Variants in MPDZ observed in about 807,000 individuals in gnomAD.
MPDZ encodes multiple PDZ domain crumbs cell polarity complex component.
A neutral mutation model predicts 239.1 loss-of-function variants in MPDZ; 234 were observed. The ratio of observed to expected loss-of-function variants is 0.98; its 90% CI spans 0.88 to 1.09. The LOEUF is 1.09. MPDZ is among the 50% of genes least tolerant of loss of function. MPDZ has a pLI of 0.00. For synonymous variants in MPDZ, 1,048 were observed against 881.3 expected (o/e 1.19, Z -3.35); for missense variants, 3,175 against 2,510.0 (o/e 1.26, Z -5.66).
At chr9:13,175,933 C>A (rs574751678) in intron 20 of MPDZ, 58 bp from the exon 21 acceptor site, 1 of 1,531,810 alleles carries the variant, frequency 6.5e-7, no homozygotes, top group South Asian at 1.3e-5. Context: ...GACTTTGGAG[C>A]GTGATTTCAA....
chr9:13,157,652 C>T (rs1323205419), intron 24 of MPDZ, among the ~76,000 whole-genome samples: 2 of 152,032 alleles, frequency 1.3e-5, no homozygotes, highest in South Asian at 2.1e-4. Context: ...CACACACACA[C>T]GTTCTGAATA....
chr9:13,221,661 T>C (rs1303640171), intron 6 of MPDZ, among the ~76,000 whole-genome samples, 161 bp from the exon 7 acceptor site: 2 of 151,278 alleles, frequency 1.3e-5, no homozygotes, highest in Non-Finnish European at 1.5e-5. Flanking sequence ...ATACTTCCCT[T>C]TCAACAGAAT....
intron 21 of MPDZ, among the ~76,000 whole-genome samples, chr9:13,174,773 C>A (rs1235380429): frequency 6.6e-6 from 1 of 152,094 alleles, no homozygotes; most frequent in Non-Finnish European, 1.5e-5. Flanking sequence ...TTAAACATAA[C>A]GTACATAAGA....
intron 21 of MPDZ, among the ~76,000 whole-genome samples, chr9:13,171,355 G>T (rs1026835839): frequency 6.6e-6 from 1 of 152,100 alleles, no homozygotes; most frequent in Non-Finnish European, 1.5e-5. Context: ...ATCATAATGT[G>T]CCCTTGGGTA....
intron 27 of MPDZ, among the ~76,000 whole-genome samples, chr9:13,140,364 C>T (rs1173577112): frequency 6.9e-6 from 1 of 144,528 alleles, no homozygotes. Context: ...TAATGGAAGG[C>T]TCAGATTGTT....
At chr9:13,259,500 C>T (rs979481452) in intron 1 of MPDZ, among the ~76,000 whole-genome samples, 1 of 152,060 alleles carries the variant, frequency 6.6e-6, no homozygotes, top group South Asian at 2.1e-4. Context: ...TGGGAACTCA[C>T]GTACAAGTGA....
intron 1 of MPDZ, among the ~76,000 whole-genome samples, chr9:13,262,275 C>A (rs1970857754): frequency 6.6e-6 from 1 of 151,304 alleles, no homozygotes. Context: ...CCACCCTGGG[C>A]AACATAACAA....
At chr9:13,114,575 T>C (rs909860021) in intron 40 of MPDZ, among the ~76,000 whole-genome samples, 7 of 152,174 alleles carry the variant, frequency 4.6e-5, no homozygotes, top group Non-Finnish European at 8.8e-5. Context: ...CAGTTGAATA[T>C]TGATTGATGT....
intron 19 of MPDZ, among the ~76,000 whole-genome samples, chr9:13,178,499 G>A (rs985537424): frequency 6.6e-6 from 1 of 152,056 alleles, no homozygotes; most frequent in South Asian, 2.1e-4. Context: ...TTTTCTCTGA[G>A]TTCAAATTAC....
intron 22 of MPDZ, among the ~76,000 whole-genome samples, 196 bp from the exon 23 acceptor site, chr9:13,162,991 C>A (rs1185777777): frequency 1.3e-5 from 2 of 152,114 alleles, no homozygotes; most frequent in African/African-American, 4.8e-5. Flanking sequence ...AGAGTAACAA[C>A]AGAAACTAAG....
Position 13,196,213 on chromosome 9 carries a change from C to T in MPDZ, c.1564G>A (p.Ala522Thr). Residue 522 changes from alanine to threonine, a missense_variant, in exon 13 of 47, where the codon GCT becomes ACT. Ala to Thr is a moderately conservative substitution (Grantham distance 58, BLOSUM62 0). Transcript: ENST00000319217. The part of the protein sequence containing the change: ...TEEEGYPLLS[A>T]EIEEIEDAQK... Reference sequence around the variant, plus strand: ...GCATCTTCTATTTCTTCTATCTCAGCTGACAGTAATGGATACCCTGAAACA... The same window carrying T: ...GCATCTTCTATTTCTTCTATCTCAGTTGACAGTAATGGATACCCTGAAACA... 1 of 1,591,350 alleles carries T rather than the reference C, an allele frequency of 6.3e-7. No individual in the cohort carries two copies. The highest frequency in any genetic ancestry group is 1.1e-5 in the South Asian group (1 of 87,772).
chr9:13,160,446 C>T, intron 23 of MPDZ, among the ~76,000 whole-genome samples: 1 of 152,068 alleles, frequency 6.6e-6, no homozygotes, highest in Non-Finnish European at 1.5e-5. Flanking sequence ...GCACAGTGCT[C>T]AAAGTGGCTT....
intron 3 of MPDZ, among the ~76,000 whole-genome samples, chr9:13,226,955 C>T (rs887599829): frequency 2.0e-5 from 3 of 152,110 alleles, no homozygotes; most frequent in African/African-American, 4.8e-5. Context: ...CGTAAAGTCA[C>T]ACAGCTAAGT....
intron 28 of MPDZ, 46 bp from the exon 29 acceptor site, chr9:13,138,199 A>C: frequency 6.8e-7 from 1 of 1,471,706 alleles, no homozygotes; most frequent in South Asian, 1.6e-5. Context: ...GTTAATTTAC[A>C]GTCAAATGCT....
chr9:13,195,328 G>A (rs976641563), intron 13 of MPDZ, among the ~76,000 whole-genome samples: 6 of 152,030 alleles, frequency 3.9e-5, no homozygotes, highest in African/African-American at 1.4e-4. Context: ...TTATGGTCAT[G>A]AGGACTAAAT....
intron 34 of MPDZ, among the ~76,000 whole-genome samples, chr9:13,125,711 G>A (rs1057005346): frequency 6.6e-6 from 1 of 152,048 alleles, no homozygotes; most frequent in Non-Finnish European, 1.5e-5. Flanking sequence ...TACAACCTTA[G>A]AAGATATATG....
At chr9:13,275,666 G>A (rs746549736) in intron 1 of MPDZ, among the ~76,000 whole-genome samples, 3 of 152,200 alleles carry the variant, frequency 2.0e-5, no homozygotes, top group Non-Finnish European at 4.4e-5. Context: ...TTGCACTGAA[G>A]AGGTTAACTC....
intron 3 of MPDZ, among the ~76,000 whole-genome samples, chr9:13,239,058 A>C (rs1303940971): frequency 2.0e-5 from 3 of 152,212 alleles, no homozygotes; most frequent in Non-Finnish European, 4.4e-5. Flanking sequence ...CAAACTGATC[A>C]GGAAACCAAA....
chr9:13,193,965 T>C (rs550418378), intron 13 of MPDZ, among the ~76,000 whole-genome samples: 4 of 152,262 alleles, frequency 2.6e-5, no homozygotes, highest in South Asian at 2.1e-4. Flanking sequence ...CAAATTTTAA[T>C]GATAACGTGC....
Sources: gnomAD v4.1 joint callset for allele counts (sites outside exome capture counted in the v4.1 genomes callset) on GRCh38, gnomAD v4.1.1 for gene constraint, MANE v1.5 for transcripts, NCBI Gene and HGNC (gene_info 2026-07-23, HGNC 2026-07-21) for gene names.